The following CAB39L variants were observed in gnomAD, a reference collection of about 807,000 sequenced individuals.
The protein encoded by CAB39L is calcium binding protein 39 like.
In CAB39L, 23 loss-of-function variants were observed where a neutral mutation model predicts 39.1. The ratio of observed to expected loss-of-function variants is 0.59; its 90% CI spans 0.42 to 0.83. The LOEUF (loss-of-function observed/expected upper bound fraction) is 0.83. CAB39L is among the 40% of genes least tolerant of loss of function. The pLI, the probability that CAB39L is intolerant of heterozygous loss-of-function variation, is 0.00. For missense variants in CAB39L, 366 were observed against 391.9 expected (o/e 0.93, Z 0.56); for synonymous variants, 126 against 137.2 (o/e 0.92, Z 0.57).
intron 6 of CAB39L, among the ~76,000 whole-genome samples, chr13:49,357,099 C>T (rs182610320): frequency 9.8e-4 from 149 of 151,300 alleles, no homozygotes; most frequent in African/African-American, 3.5e-3. Flanking sequence ...TATGGTACAA[C>T]TGTTCCACTA....
At chr13:49,339,852 C>A in intron 8 of CAB39L, 110 bp from the exon 9 acceptor site, 1 of 1,243,864 alleles carries the variant, frequency 8.0e-7, no homozygotes, top group Non-Finnish European at 1.0e-6. Flanking sequence ...GGCCATTTTA[C>A]CATCCTTCTT....
chr13:49,384,793 A>T (rs1956322717), intron 3 of CAB39L, among the ~76,000 whole-genome samples: 1 of 152,178 alleles, frequency 6.6e-6, no homozygotes, highest in Admixed American at 6.6e-5. Context: ...ATGAGCAGTA[A>T]TATTTTCAAA....
intron 7 of CAB39L, among the ~76,000 whole-genome samples, chr13:49,345,932 G>C (rs1955141569): frequency 6.6e-6 from 1 of 151,410 alleles, no homozygotes; most frequent in Non-Finnish European, 1.5e-5. Flanking sequence ...TTACCCCAAA[G>C]AAAAAGGGAT....
In CAB39L at chr13:49,405,747, AAGGG is replaced by A. The variant is rs1161525474; in HGVS notation, c.-31-22810_-31-22807del. ...GAAGGAAGGAAGGAAGGAAGGAAGGAAGGGAGGGAGGGACGGAGGGACAGAGGGA... is the reference window on the plus strand; with the variant it reads ...GAAGGAAGGAAGGAAGGAAGGAAGGAAGGGAGGGACGGAGGGACAGAGGGA... On this transcript the variant is annotated intron_variant, in intron 3 of 10. Coordinates refer to ENST00000409308, the MANE Select transcript of CAB39L (RefSeq NM_001079670.3). Among the ~76,000 whole-genome samples, 129 of 130,546 alleles carry A rather than the reference AAGGG, an allele frequency of 9.9e-4. 1 individual carries two copies. Among genetic ancestry groups the A allele is most frequent in the Non-Finnish European group, 1.6e-3 (96 of 60,572 alleles). The allele number at this position is 130,546 out of a possible 152,430, so 85.6% of individuals were successfully genotyped here.
intron 9 of CAB39L, among the ~76,000 whole-genome samples, 175 bp from the exon 10 acceptor site, chr13:49,332,265 A>AGG: frequency 6.6e-6 from 1 of 152,236 alleles, no homozygotes; most frequent in Non-Finnish European, 1.5e-5. Flanking sequence ...ATAGTTATTG[A>AGG]GCAATTTTTT....
At chr13:49,414,933 C>A (rs926260817) in intron 3 of CAB39L, among the ~76,000 whole-genome samples, 6 of 152,072 alleles carry the variant, frequency 3.9e-5, no homozygotes, top group Admixed American at 1.3e-4. Context: ...GTGGCTCATG[C>A]CTTTAATCCC....
At chr13:49,338,685 C>G (rs1367371682) in intron 9 of CAB39L, among the ~76,000 whole-genome samples, 1 of 151,990 alleles carries the variant, frequency 6.6e-6, no homozygotes, top group South Asian at 2.1e-4. Context: ...AAAAGAAAAG[C>G]AAAATTTCGT....
chr13:49,327,720 C>T (rs1375347329), intron 10 of CAB39L, among the ~76,000 whole-genome samples: 1 of 152,320 alleles, frequency 6.6e-6, no homozygotes, highest in East Asian at 1.9e-4. Flanking sequence ...TTCCACTCAA[C>T]AAAATGTTTC....
intron 4 of CAB39L, among the ~76,000 whole-genome samples, chr13:49,377,769 T>C (rs1956118804): frequency 1.1e-5 from 1 of 91,318 alleles, no homozygotes; most frequent in Non-Finnish European, 2.2e-5. Flanking sequence ...CCGCCTGCCT[T>C]GGCCTCCCAA....
At chr13:49,433,540 T>A in intron 2 of CAB39L, 147 bp from the exon 3 acceptor site, 1 of 356,600 alleles carries the variant, frequency 2.8e-6, no homozygotes, top group South Asian at 2.2e-5. Context: ...ACAGGTAAAT[T>A]TTCATATCCC....
rs1310243881 is a variant in CAB39L, at chr13:49,377,040, T to C, written c.203A>G (p.Gln68Arg). Reference sequence around the variant, plus strand: ...ACTGCTGTAGAGTTCTTGTGCTAGCTGAGCCACTGCTTCTGTTGGGGGTTC... The same window carrying C: ...ACTGCTGTAGAGTTCTTGTGCTAGCCGAGCCACTGCTTCTGTTGGGGGTTC... ...EKEPPTEAVA[Q>R]LAQELYSSGL... Residue 68 changes from glutamine (Q) to arginine (R), a missense_variant, in exon 5 of 11, where the codon CAG becomes CGG. Transcript: ENST00000409308. The C allele has an allele frequency of 3.1e-6, 5 of 1,613,780 alleles. No homozygotes were observed. The African/African-American group carries it at 6.7e-5, about 22-fold the overall frequency.
At chr13:49,341,554 G>A (rs1955006981) in intron 8 of CAB39L, among the ~76,000 whole-genome samples, 1 of 152,130 alleles carries the variant, frequency 6.6e-6, no homozygotes, top group African/African-American at 2.4e-5. Context: ...TATTCTCCTT[G>A]CAGTAGAATG....
chr13:49,426,289 G>C (rs750845474), intron 3 of CAB39L, among the ~76,000 whole-genome samples: 10 of 152,150 alleles, frequency 6.6e-5, no homozygotes, highest in Non-Finnish European at 1.5e-4. Flanking sequence ...CAGAAACTTA[G>C]ATCTTTCTTA....
At chr13:49,341,901 T>C (rs190970175) in intron 8 of CAB39L, among the ~76,000 whole-genome samples, 54 of 152,324 alleles carry the variant, frequency 3.5e-4, no homozygotes, top group African/African-American at 1.1e-3. Flanking sequence ...CCTCACATTT[T>C]ACACTTAAAA....
rs535592043 is a variant in CAB39L at position 49,356,288 on chromosome 13, A to G, written c.395+3426T>C. Among the ~76,000 whole-genome samples the G allele has an allele frequency of 2.1e-3, 321 of 152,316 alleles. 1 individual carries two copies. The highest frequency in any genetic ancestry group is 7.3e-3 in the African/African-American group (304 of 41,574). ...AATTTTTTATAATAAACTTAAAAAA[A>G]CAGGATAATTGGGAGAAATTTATGA... On this transcript the variant is annotated intron_variant, in intron 6 of 10. Transcript: ENST00000409308.
At chr13:49,383,705 C>T (rs953213502) in intron 3 of CAB39L, among the ~76,000 whole-genome samples, 1 of 152,080 alleles carries the variant, frequency 6.6e-6, no homozygotes, top group African/African-American at 2.4e-5. Flanking sequence ...ATTAAGTGTG[C>T]AATAGTATTA....
chr13:49,331,038 CTG>C (rs1167600267), intron 10 of CAB39L, among the ~76,000 whole-genome samples: 2 of 152,092 alleles, frequency 1.3e-5, no homozygotes, highest in Non-Finnish European at 2.9e-5. Flanking sequence ...TGTTGGTACA[CTG>C]TGAATACAGC....
chr13:49,374,008 C>T (rs1396566258), intron 5 of CAB39L, among the ~76,000 whole-genome samples: 2 of 152,160 alleles, frequency 1.3e-5, no homozygotes, highest in African/African-American at 4.8e-5. Context: ...CTGCCTCCTT[C>T]CTGAAAATAC....
At chr13:49,359,919 C>T in intron 5 of CAB39L, 87 bp from the exon 6 acceptor site, 1 of 680,334 alleles carries the variant, frequency 1.5e-6, no homozygotes, top group South Asian at 2.0e-5. Context: ...TATATATACA[C>T]ACAGACAGAA....
Sources: allele counts gnomAD v4.1 joint callset (sites outside exome capture counted in the v4.1 genomes callset), GRCh38; gene constraint gnomAD v4.1.1; transcripts MANE v1.5; gene names NCBI Gene and HGNC (gene_info 2026-07-23, HGNC 2026-07-21).